The following IFT80 variants were observed in gnomAD, a reference collection of about 807,000 sequenced individuals.
The protein encoded by IFT80 is intraflagellar transport 80, also known as intraflagellar transport protein 80 homolog.
IFT80 carries 79 observed loss-of-function variants against 107.9 expected under a neutral mutation model. The observed-to-expected ratio is 0.73, with a 90% CI of 0.61 to 0.88. The LOEUF (loss-of-function observed/expected upper bound fraction) is 0.88, where lower values mean the gene tolerates loss of function less well. Ranked by LOEUF, IFT80 falls within the 40% of genes least tolerant of loss-of-function variation. The pLI is 0.00. For synonymous variants in IFT80, 299 were observed against 300.9 expected, an observed-to-expected ratio of 0.99 and a Z score of 0.07; for missense variants, 797 against 914.2, an observed-to-expected ratio of 0.87 and a Z score of 1.65.
At chr3:160,352,215 C>T (rs868314075) in intron 8 of IFT80, among the ~76,000 whole-genome samples, 2 of 151,516 alleles carry the variant, frequency 1.3e-5, no homozygotes, top group African/African-American at 2.4e-5. Flanking sequence ...AGGATGGTAT[C>T]GATCTCCTGA....
chr3:160,353,670 G>A (rs1381823768), intron 8 of IFT80, among the ~76,000 whole-genome samples: 1 of 152,146 alleles, frequency 6.6e-6, no homozygotes, highest in Admixed American at 6.5e-5. Flanking sequence ...CACAGGCTGA[G>A]TTAGGCTCTT....
rs531713127 is a variant in IFT80, at chr3:160,290,425, GA to G, written c.1316-4558del. Among the ~76,000 whole-genome samples the G allele has an allele frequency of 1.6e-3, 183 of 113,840 alleles. 1 individual carries two copies. The highest frequency in any genetic ancestry group is 1.8e-3 in the Non-Finnish European group (97 of 52,768). 74.7% of individuals were successfully genotyped at this position (113,840 alleles called of 152,430 possible). Reference sequence around the variant, plus strand: ...TGTCTCAAAAACAGAAAAAAAAAAAGAAAAAAAAAAAAGAAAAAAGAAAGTC... The same window carrying G: ...TGTCTCAAAAACAGAAAAAAAAAAAGAAAAAAAAAAAGAAAAAAGAAAGTC... On this transcript the variant is annotated intron_variant, in intron 12 of 19. Transcript: ENST00000326448.
intron 8 of IFT80, chr3:160,343,846 T>C (rs1369797012): frequency 1.0e-5 from 3 of 288,732 alleles, no homozygotes; most frequent in African/African-American, 2.3e-5. Context: ...ATTTTATTTA[T>C]TGATTTTCTT....
intron 12 of IFT80, among the ~76,000 whole-genome samples, chr3:160,287,338 G>A (rs1715169907): frequency 6.6e-6 from 1 of 152,240 alleles, no homozygotes; most frequent in East Asian, 1.9e-4. Context: ...CAGCTGCAGT[G>A]GGGCTGGGGG....
intron 8 of IFT80, among the ~76,000 whole-genome samples, chr3:160,327,776 A>G (rs141369050): frequency 6.6e-6 from 1 of 152,272 alleles, no homozygotes; most frequent in African/African-American, 2.4e-5. Context: ...ACATACGCAT[A>G]GGTACAGATT....
intron 10 of IFT80, among the ~76,000 whole-genome samples, chr3:160,306,818 T>C (rs1716863295): frequency 6.6e-6 from 1 of 152,220 alleles, no homozygotes; most frequent in Admixed American, 6.5e-5. Flanking sequence ...GATGATGCTA[T>C]ACTTTACATA....
intron 8 of IFT80, among the ~76,000 whole-genome samples, chr3:160,329,812 T>C (rs1427408473): frequency 6.8e-6 from 1 of 147,668 alleles, no homozygotes. Flanking sequence ...TTGTATTAAA[T>C]AAAATTGTAT....
rs56915671 is a variant in IFT80, at chr3:160,381,239, AATAT to A, written c.259+260_259+263del. 2.8e-4 allele frequency among the ~76,000 whole-genome samples: 24 copies of A among 86,264 alleles called. 1 individual carries two copies. The highest frequency in any genetic ancestry group is 5.0e-4 in the East Asian group (2 of 4,020). The allele number at this position is 86,264 out of a possible 152,430, so 56.6% of individuals were successfully genotyped here. On this transcript the variant is annotated intron_variant, in intron 3 of 19. Coordinates refer to ENST00000326448, the MANE Select transcript of IFT80 (RefSeq NM_020800.3). ...GCAACAGAGTGAGACCCCATCTCTA[AATAT>A]ATATATATATATATATATATATTAA... is the stretch of plus-strand genomic sequence containing the variant.
chr3:160,287,540 G>A (rs1416500144), intron 12 of IFT80, among the ~76,000 whole-genome samples: 3 of 152,180 alleles, frequency 2.0e-5, no homozygotes, highest in Admixed American at 2.0e-4. Flanking sequence ...GAAAGGGCAG[G>A]GGATGAAGAA....
intron 8 of IFT80, among the ~76,000 whole-genome samples, chr3:160,350,906 T>C (rs1330091271): frequency 6.6e-6 from 1 of 152,096 alleles, no homozygotes; most frequent in African/African-American, 2.4e-5. Flanking sequence ...AAAGACAACA[T>C]TTCTTAAAAA....
chr3:160,300,082 C>T (rs1716302051), intron 12 of IFT80, among the ~76,000 whole-genome samples: 1 of 152,136 alleles, frequency 6.6e-6, no homozygotes, highest in South Asian at 2.1e-4. Context: ...ACCTCAGAAT[C>T]CTTGCACTTG....
chr3:160,371,321 C>G (rs1353509519), intron 5 of IFT80, among the ~76,000 whole-genome samples: 2 of 152,214 alleles, frequency 1.3e-5, no homozygotes, highest in African/African-American at 4.8e-5. Flanking sequence ...TGCCAGGAAC[C>G]CTTCCCAATA....
At chr3:160,305,517 G>A (rs921246751) in intron 10 of IFT80, among the ~76,000 whole-genome samples, 15 of 151,932 alleles carry the variant, frequency 9.9e-5, no homozygotes, top group Non-Finnish European at 1.9e-4. Flanking sequence ...CAAGAGGGTT[G>A]GTAAGAAAAG....
At chr3:160,387,274 G>A (rs1434167826) in intron 1 of IFT80, among the ~76,000 whole-genome samples, 1 of 152,234 alleles carries the variant, frequency 6.6e-6, no homozygotes, top group Non-Finnish European at 1.5e-5. Context: ...GGGAGGCCGA[G>A]GCAGGCGGAT....
At position 160,258,470 on chromosome 3, in the gene IFT80, TGGTTA is replaced by T. The variant is rs1180091954; in HGVS notation, c.*50_*54del. ...TTAGCAACCAAAACATGCTTACCCTTGGTTAATCAGAACGTGTTTCAAAAGATAAA... is the reference window on the plus strand; with the variant it reads ...TTAGCAACCAAAACATGCTTACCCTTATCAGAACGTGTTTCAAAAGATAAA... On this transcript the variant is annotated 3_prime_UTR_variant, in exon 20 of 20. Coordinates refer to ENST00000326448, the MANE Select transcript of IFT80 (RefSeq NM_020800.3). 144 of 1,609,970 alleles carry T rather than the reference TGGTTA, an allele frequency of 8.9e-5. No homozygotes were observed. Among genetic ancestry groups the T allele is most frequent in the Non-Finnish European group, 1.1e-4 (134 of 1,178,312 alleles).
intron 11 of IFT80, among the ~76,000 whole-genome samples, chr3:160,302,750 T>C (rs1457397020): frequency 6.6e-6 from 1 of 152,158 alleles, no homozygotes; most frequent in Non-Finnish European, 1.5e-5. Flanking sequence ...AAATGACTTA[T>C]TTTAAAAAAT....
chr3:160,350,415 CA>C (rs60135065), intron 8 of IFT80, among the ~76,000 whole-genome samples: 38,015 of 116,202 alleles, frequency 0.33, 4,834 homozygotes, highest in African/African-American at 0.42. Context: ...GACTCTGTCT[CA>C]AAAAAAAAAA....
intron 8 of IFT80, among the ~76,000 whole-genome samples, chr3:160,354,151 A>G (rs1720901593): frequency 6.6e-6 from 1 of 152,230 alleles, no homozygotes; most frequent in Non-Finnish European, 1.5e-5. Flanking sequence ...GAGACTACAC[A>G]TTCTATAGAT....
In IFT80 at chr3:160,258,655, GAAGA is replaced by G; in HGVS notation, c.2224-24_2224-21del. ...TTGGAGCTGCAATAGAAAAAAAAAA[GAAGA>G]AATATGCTTAGATAGTGTAAGACAT... On this transcript the variant is annotated intron_variant, in intron 19 of 19. Transcript: ENST00000326448. 6.5e-7 allele frequency: 1 copy of G among 1,532,582 alleles called. No individual in the cohort carries two copies. The highest frequency in any genetic ancestry group is 1.4e-5 in the African/African-American group (1 of 71,424). The allele number at this position is 1,532,582 out of a possible 1,614,324, so 94.9% of individuals were successfully genotyped here.
Sources: allele counts gnomAD v4.1 joint callset (sites outside exome capture counted in the v4.1 genomes callset), GRCh38; gene constraint gnomAD v4.1.1; transcripts MANE v1.5; gene names NCBI Gene and HGNC (gene_info 2026-07-23, HGNC 2026-07-21).